Variants in EPB41 observed in about 807,000 individuals in gnomAD.
EPB41 encodes the protein protein 4.1.
A neutral mutation model predicts 108.0 loss-of-function variants in EPB41; 65 were observed. The observed-to-expected ratio is 0.60, with a 90% CI of 0.49 to 0.74. EPB41 has a LOEUF of 0.74. EPB41 is among the 30% of genes least tolerant of loss of function. EPB41 has a pLI of 0.00. For missense variants in EPB41, 875 were observed against 1,037.0 expected, an observed-to-expected ratio of 0.84 and a Z score of 2.15; for synonymous variants, 336 against 358.9, an observed-to-expected ratio of 0.94 and a Z score of 0.72.
At chr1:28,897,217 T>C (rs1011476604) in intron 1 of EPB41, among the ~76,000 whole-genome samples, 2 of 152,000 alleles carry the variant, frequency 1.3e-5, no homozygotes, top group African/African-American at 4.8e-5. Flanking sequence ...AGAAAAGCCC[T>C]GGGTTCTAGA....
chr1:29,034,114 G>T (rs1485138521), intron 9 of EPB41, among the ~76,000 whole-genome samples: 1 of 152,160 alleles, frequency 6.6e-6, no homozygotes, highest in Admixed American at 6.5e-5. Context: ...CTTGGATAGG[G>T]ATTACCATAG....
rs1206970697 is a variant in EPB41 at position 28,987,416 on chromosome 1, T to A, written c.-7-15T>A. On this transcript the variant is annotated splice_polypyrimidine_tract_variant and intron_variant, in intron 1 of 20. Transcript: ENST00000343067. ...TGCTTATAAGAGCCCCCCTTTTCTA[T>A]CTTCTTTTTAATAGCAACATCATGA... 1.2e-6 allele frequency: 2 copies of A among 1,611,456 alleles called. No homozygotes were observed. Among genetic ancestry groups the A allele is most frequent in the East Asian group, 2.2e-5 (1 of 44,888 alleles).
intron 4 of EPB41, among the ~76,000 whole-genome samples, chr1:29,003,384 C>G (rs1177877705): frequency 1.3e-5 from 2 of 152,178 alleles, no homozygotes; most frequent in African/African-American, 4.8e-5. Context: ...TCAGTTTACT[C>G]CTGTAGCTCC....
intron 4 of EPB41, among the ~76,000 whole-genome samples, chr1:28,998,717 C>T (rs796172225): frequency 1.3e-5 from 2 of 152,238 alleles, no homozygotes; most frequent in African/African-American, 4.8e-5. Flanking sequence ...TACTTTGTCT[C>T]CCTTAGGGCT....
At chr1:28,914,939 C>G (rs2092489749) in intron 1 of EPB41, among the ~76,000 whole-genome samples, 171 bp downstream of exon 1, 1 of 151,670 alleles carries the variant, frequency 6.6e-6, no homozygotes, top group Non-Finnish European at 1.5e-5. Flanking sequence ...GTGTGCACGC[C>G]GAGTCGCCAG....
chr1:28,931,069 C>T (rs2093716934), intron 1 of EPB41, among the ~76,000 whole-genome samples: 2 of 151,880 alleles, frequency 1.3e-5, no homozygotes, highest in Non-Finnish European at 2.9e-5. Context: ...AAATACCTAT[C>T]TAGAATGAGA....
At chr1:28,892,063 A>T (rs1171519829) in intron 1 of EPB41, among the ~76,000 whole-genome samples, 1 of 130,510 alleles carries the variant, frequency 7.7e-6, no homozygotes, top group Non-Finnish European at 1.5e-5. Context: ...ACTGCACTCC[A>T]GCCTGGGCAA....
intron 4 of EPB41, among the ~76,000 whole-genome samples, chr1:29,008,674 A>G (rs1460641423): frequency 2.0e-5 from 3 of 152,096 alleles, no homozygotes; most frequent in African/African-American, 4.8e-5. Context: ...AAATCCTTCA[A>G]TGGCTCCCGC....
intron 11 of EPB41, among the ~76,000 whole-genome samples, chr1:29,052,805 C>T (rs1056252749): frequency 4.6e-5 from 7 of 152,038 alleles, no homozygotes; most frequent in East Asian, 1.9e-4. Flanking sequence ...ACTAAAATTA[C>T]GAGATAAATG....
intron 1 of EPB41, among the ~76,000 whole-genome samples, chr1:28,930,253 C>T (rs1297002268): frequency 6.9e-6 from 1 of 145,678 alleles, no homozygotes; most frequent in East Asian, 2.0e-4. Flanking sequence ...AACTCCTGGG[C>T]TCAAGTGATC....
intron 12 of EPB41, chr1:29,054,014 A>G (rs1452091641): frequency 6.6e-6 from 1 of 152,262 alleles, no homozygotes; most frequent in Non-Finnish European, 1.5e-5. Flanking sequence ...ATTTTCTAAG[A>G]TGGATGTATG....
At chr1:29,020,612 C>T (rs1388713744) in intron 7 of EPB41, among the ~76,000 whole-genome samples, 1 of 151,586 alleles carries the variant, frequency 6.6e-6, no homozygotes, top group Non-Finnish European at 1.5e-5. Context: ...AGCTGAACCG[C>T]AGAAAATGAT....
chr1:28,901,786 A>G (rs2147918047), intron 1 of EPB41, among the ~76,000 whole-genome samples: 1 of 152,152 alleles, frequency 6.6e-6, no homozygotes, highest in African/African-American at 2.4e-5. Context: ...CACCCACCTC[A>G]GCCTCCCAAA....
rs1226612943 is a variant in EPB41 at position 28,987,626 on chromosome 1, T to G, written c.189T>G (p.His63Gln). The G allele has an allele frequency of 1.2e-6, 2 of 1,614,200 alleles. No homozygotes were observed. The highest frequency in any genetic ancestry group is 1.3e-5 in the African/African-American group (1 of 75,038). Residue 63 changes from histidine (H) to glutamine (Q), a missense_variant, in exon 2 of 21, where the codon CAT becomes CAG. His to Gln is a conservative substitution (Grantham distance 24). This residue lies in a region of EPB41 where 353 missense variants were observed against 393.2 expected (regional missense o/e 0.90). Transcript: ENST00000343067. ...CTTCTAATGGAGACACTCCTACACA[T>G]GAAGACTTGACCAAGAACAAGGAGC... is the stretch of plus-strand genomic sequence containing the variant. ...LKASNGDTPT[H>Q]EDLTKNKERT...
intron 1 of EPB41, among the ~76,000 whole-genome samples, chr1:28,929,515 C>T (rs1233592636): frequency 1.3e-5 from 2 of 151,414 alleles, no homozygotes; most frequent in Non-Finnish European, 2.9e-5. Context: ...CAGGCGTGAG[C>T]CACTGCGCCC....
intron 3 of EPB41, among the ~76,000 whole-genome samples, chr1:28,995,912 CAATG>C (rs1211545720): frequency 1.3e-5 from 2 of 152,030 alleles, no homozygotes; most frequent in African/African-American, 4.8e-5. Context: ...TTAAGACTGA[CAATG>C]AATGAACATT....
intron 5 of EPB41, among the ~76,000 whole-genome samples, chr1:29,014,714 C>T (rs2096554943): frequency 1.3e-5 from 2 of 152,166 alleles, no homozygotes; most frequent in Admixed American, 1.3e-4. Context: ...ACAGGTGTAA[C>T]CCACCACACC....
chr1:29,024,642 T>G (rs934926556), intron 7 of EPB41, among the ~76,000 whole-genome samples: 5 of 151,478 alleles, frequency 3.3e-5, no homozygotes, highest in Non-Finnish European at 5.9e-5. Flanking sequence ...AAAAAATAAA[T>G]AAATAAAAAA....
At chr1:28,917,622 C>T (rs911786723) in intron 1 of EPB41, among the ~76,000 whole-genome samples, 1 of 149,750 alleles carries the variant, frequency 6.7e-6, no homozygotes, top group African/African-American at 2.5e-5. Context: ...ACCTTGTTGC[C>T]CAAGCTGGAG....
Sources: allele counts gnomAD v4.1 joint callset (sites outside exome capture counted in the v4.1 genomes callset), GRCh38; gene constraint gnomAD v4.1.1; regional missense constraint gnomAD v4.1.1; transcripts MANE v1.5; gene names NCBI Gene and HGNC (gene_info 2026-07-23, HGNC 2026-07-21).